Variants in KLHL29 observed in about 807,000 individuals in gnomAD.
KLHL29 encodes kelch-like protein 29.
A neutral mutation model predicts 80.4 loss-of-function variants in KLHL29; 21 were observed. The observed-to-expected ratio is 0.26, with a 90% CI of 0.19 to 0.38. The LOEUF is 0.38. Ranked by LOEUF, KLHL29 falls within the 10% of genes least tolerant of loss-of-function variation. The pLI, the probability that KLHL29 is intolerant of heterozygous loss-of-function variation, is 1.00. For missense variants in KLHL29, 867 were observed against 1,223.9 expected (o/e 0.71, Z 4.35); for synonymous variants, 511 against 526.8 (o/e 0.97, Z 0.41).
intron 3 of KLHL29, among the ~76,000 whole-genome samples, chr2:23,570,758 G>A (rs1473547169): frequency 6.6e-6 from 1 of 152,216 alleles, no homozygotes; most frequent in Non-Finnish European, 1.5e-5. Context: ...GAATCCTGCT[G>A]GGGTGTCCCA....
At chr2:23,573,041 C>T (rs540037660) in intron 3 of KLHL29, among the ~76,000 whole-genome samples, 11 of 134,878 alleles carry the variant, frequency 8.2e-5, no homozygotes, top group East Asian at 2.2e-4. Flanking sequence ...GACGTAACCC[C>T]GTGGTGAGCT....
intron 3 of KLHL29, among the ~76,000 whole-genome samples, chr2:23,563,803 T>C (rs1325510931): frequency 1.3e-5 from 2 of 152,176 alleles, no homozygotes; most frequent in Non-Finnish European, 2.9e-5. Context: ...CAGTGCCTTA[T>C]TGATTTTATT....
intron 2 of KLHL29, among the ~76,000 whole-genome samples, chr2:23,561,502 T>G (rs534958458): frequency 6.6e-6 from 1 of 152,252 alleles, no homozygotes; most frequent in South Asian, 2.1e-4. Flanking sequence ...GGAACTCAAC[T>G]CCTGGAGGCT....
chr2:23,426,441 C>A (rs1356745267), intron 1 of KLHL29, among the ~76,000 whole-genome samples: 1 of 152,240 alleles, frequency 6.6e-6, no homozygotes, highest in African/African-American at 2.4e-5. Flanking sequence ...AGGGGAGGCC[C>A]CTCTTCCATC....
chr2:23,644,055 C>G (rs1669852447), intron 5 of KLHL29: 1 of 152,216 alleles, frequency 6.6e-6, no homozygotes, highest in African/African-American at 2.4e-5. Context: ...TCAAGCATCC[C>G]AACAATAAAG....
intron 2 of KLHL29, among the ~76,000 whole-genome samples, chr2:23,533,409 T>A (rs1047881773): frequency 1.3e-5 from 2 of 152,140 alleles, no homozygotes; most frequent in Non-Finnish European, 2.9e-5. Flanking sequence ...AGGGGTCCTG[T>A]GGAGACTTGT....
intron 4 of KLHL29, among the ~76,000 whole-genome samples, chr2:23,640,349 G>T (rs1056613859): frequency 6.6e-6 from 1 of 152,180 alleles, no homozygotes; most frequent in Non-Finnish European, 1.5e-5. Context: ...TAGGTCTCTT[G>T]TACCCTTGGG....
chr2:23,459,674 C>G (rs1012860119), intron 1 of KLHL29, among the ~76,000 whole-genome samples: 2 of 152,346 alleles, frequency 1.3e-5, no homozygotes, highest in East Asian at 3.9e-4. Flanking sequence ...AGTGACCATT[C>G]TGACTTGTCG....
chr2:23,443,220 T>G (rs960171774), intron 1 of KLHL29, among the ~76,000 whole-genome samples: 1 of 152,228 alleles, frequency 6.6e-6, no homozygotes, highest in Non-Finnish European at 1.5e-5. Context: ...TATTTTTTGC[T>G]GAGCTGTTTG....
chr2:23,701,987 T>G (rs1672418997), intron 11 of KLHL29, among the ~76,000 whole-genome samples: 1 of 151,556 alleles, frequency 6.6e-6, no homozygotes, highest in African/African-American at 2.4e-5. Flanking sequence ...TAATTTTTTT[T>G]TTTTTTTGTA....
intron 2 of KLHL29, among the ~76,000 whole-genome samples, chr2:23,557,501 A>G (rs1667327510): frequency 1.3e-5 from 2 of 151,760 alleles, no homozygotes; most frequent in South Asian, 4.2e-4. Flanking sequence ...CTGGCATTTT[A>G]AGGAGACTTG....
chr2:23,469,206 C>T (rs1466575390), intron 1 of KLHL29, among the ~76,000 whole-genome samples: 2 of 152,204 alleles, frequency 1.3e-5, no homozygotes, highest in Non-Finnish European at 2.9e-5. Context: ...ACCAAGGCAG[C>T]GGGAGTGGAG....
At chr2:23,460,952 C>T (rs1018858158) in intron 1 of KLHL29, among the ~76,000 whole-genome samples, 1 of 152,174 alleles carries the variant, frequency 6.6e-6, no homozygotes, top group Admixed American at 6.5e-5. Context: ...GTAGCTGTGG[C>T]CATAGATATC....
At chr2:23,403,750 T>A (rs565683730) in intron 1 of KLHL29, among the ~76,000 whole-genome samples, 1 of 151,546 alleles carries the variant, frequency 6.6e-6, no homozygotes, top group Non-Finnish European at 1.5e-5. Context: ...TGTGTGTGTG[T>A]GTGTGTGTGT....
intron 3 of KLHL29, among the ~76,000 whole-genome samples, chr2:23,625,474 C>T (rs1413597672): frequency 1.3e-5 from 2 of 152,154 alleles, no homozygotes; most frequent in Non-Finnish European, 2.9e-5. Flanking sequence ...GAAAGACTAG[C>T]GATCATGGAG....
chr2:23,531,579 G>A (rs1448061579), intron 2 of KLHL29, among the ~76,000 whole-genome samples: 4 of 152,086 alleles, frequency 2.6e-5, no homozygotes, highest in Non-Finnish European at 5.9e-5. Flanking sequence ...TATCTATTCC[G>A]GAACTTTCCC....
At chr2:23,532,473 CG>C in intron 2 of KLHL29, 1 of 430,194 alleles carries the variant, frequency 2.3e-6, no homozygotes. Context: ...GCACCCAGGG[CG>C]GCACCCAGGC....
At position 23,647,908 on chromosome 2, in the gene KLHL29, C is replaced by T. The variant is rs868064386; in HGVS notation, c.940+5058C>T. On this transcript the variant is annotated intron_variant, in intron 5 of 13. Transcript: ENST00000486442. The surrounding 1 kb of genome is among the most constrained non-coding windows in gnomAD (Gnocchi z 4.9). ...GGATGCTATTTCATCCCCACTCCCC[C>T]CTCAGTATCCAAGCCGGTACCAGCA... 6.6e-6 allele frequency among the ~76,000 whole-genome samples: 1 copy of T among 152,138 alleles called. No homozygotes were observed. The highest frequency in any genetic ancestry group is 1.5e-5 in the Non-Finnish European group (1 of 68,026).
At position 23,503,071 on chromosome 2, in the gene KLHL29, G is replaced by A. The variant is rs1190999388; in HGVS notation, c.-46+27404G>A. The stretch of plus-strand genomic sequence containing the variant: ...CAGGAAAAATAACCTGAGAATAGAT[G>A]TGTTTTGTTTGAATGTCGTAGTTGT... On this transcript the variant is annotated intron_variant, in intron 2 of 13. Transcript: ENST00000486442. This position sits in a 1 kb window ranked among gnomAD's most constrained non-coding sequence, Gnocchi z 4.0. Among the ~76,000 whole-genome samples, 1 of 152,190 alleles carries A rather than the reference G, an allele frequency of 6.6e-6. No homozygotes were observed. Among genetic ancestry groups the A allele is most frequent in the Non-Finnish European group, 1.5e-5 (1 of 68,046 alleles).
Sources: allele counts gnomAD v4.1 joint callset (sites outside exome capture counted in the v4.1 genomes callset), GRCh38; gene constraint gnomAD v4.1.1; non-coding constraint Gnocchi (gnomAD v3.1); transcripts MANE v1.5; gene names NCBI Gene and HGNC (gene_info 2026-07-23, HGNC 2026-07-21).